Variants in MYH14 observed in about 807,000 individuals in gnomAD.
MYH14 encodes the protein myosin-14.
A neutral mutation model predicts 255.5 loss-of-function variants in MYH14; 123 were observed. That is an observed-to-expected ratio of 0.48 (90% CI 0.42 to 0.56). MYH14 has a LOEUF of 0.56. Ranked by LOEUF, MYH14 falls within the 20% of genes least tolerant of loss-of-function variation. MYH14 has a pLI of 0.00. For missense variants in MYH14, 2,423 were observed against 2,802.3 expected (o/e 0.86, Z 3.06); for synonymous variants, 1,095 against 1,161.2 (o/e 0.94, Z 1.16).
chr19:50,207,884 C>T (rs2031901893), intron 1 of MYH14, among the ~76,000 whole-genome samples: 1 of 152,180 alleles, frequency 6.6e-6, no homozygotes, highest in African/African-American at 2.4e-5. Context: ...ATGCTGCCTA[C>T]CTCACAGTGA....
chr19:50,225,620 C>T lies in MYH14; in HGVS notation c.753C>T (p.Pro251=), dbSNP rs2033053160. The part of the protein sequence containing the change: ...ELERQLLQAN[P]ILEAFGNAKT... ...AGCGGCAGCTGCTTCAGGCCAACCCCATCCTAGAGGCCTTTGGCAATGCCA... is the reference window on the plus strand; with the variant it reads ...AGCGGCAGCTGCTTCAGGCCAACCCTATCCTAGAGGCCTTTGGCAATGCCA... Residue 251 remains proline (P), a synonymous_variant, in exon 7 of 43, where the codon CCC becomes CCT. Coordinates refer to ENST00000642316, the MANE Select transcript of MYH14 (RefSeq NM_001145809.2). 1.9e-6 allele frequency: 3 copies of T among 1,613,740 alleles called. No homozygotes were observed. The highest frequency in any genetic ancestry group is 2.5e-6 in the Non-Finnish European group (3 of 1,179,898).
chr19:50,302,330 C>G (rs2036516309), intron 40 of MYH14, among the ~76,000 whole-genome samples: 1 of 150,572 alleles, frequency 6.6e-6, no homozygotes, highest in Non-Finnish European at 1.5e-5. Flanking sequence ...ACCTGTAATC[C>G]CAGCACTTTG....
rs532232129 is a variant in MYH14, at chr19:50,232,593, C to CAA, written c.1114+545_1114+546dup. Among the ~76,000 whole-genome samples, 543 of 62,844 alleles carry CAA rather than the reference C, an allele frequency of 8.6e-3. 3 individuals carry two copies. The highest frequency in any genetic ancestry group is 0.012 in the East Asian group (20 of 1,688). 41.2% of individuals were successfully genotyped at this position (62,844 alleles called of 152,430 possible). ...TGGTCAACAGAGCGAGACTCTGTCT[C>CAA]AAAAAAAAAAAAAAAAAAAAAAACA... On this transcript the variant is annotated intron_variant, in intron 10 of 42. Coordinates refer to ENST00000642316, the MANE Select transcript of MYH14 (RefSeq NM_001145809.2).
At position 50,309,686 on chromosome 19, in the gene MYH14, C is replaced by T. The variant is rs1247510067; in HGVS notation, c.6007C>T (p.Arg2003Ter). The change falls in exon 43 of 43, where the codon CGA becomes TGA. Residue 2003 changes from arginine (R) to a stop codon, truncating the protein, a stop_gained. Transcript: ENST00000642316. LOFTEE classifies it low-confidence loss of function (END_TRUNC). ...CACCCGCACGGTGCGCCAGGTCTTC[C>T]GACTAGAGGAGGGCGTGGCATCCGA... ...FTTRTVRQVF[R>*]LEEGVASDEE... 6.2e-7 allele frequency: 1 copy of T among 1,609,832 alleles called. No individual in the cohort carries two copies. Among genetic ancestry groups the T allele is most frequent in the Non-Finnish European group, 8.5e-7 (1 of 1,178,370 alleles).
chr19:50,288,610 T>TCCGGTCAGTGGAATTGTGACTCCG (rs1237427501), intron 34 of MYH14, among the ~76,000 whole-genome samples: 1 of 152,230 alleles, frequency 6.6e-6, no homozygotes, highest in African/African-American at 2.4e-5. Context: ...AAGTAGATAC[T>TCCGGTCAGTGGAATTGTGACTCCG]GTCAGTGACC....
chr19:50,274,131 C>T (rs1304203462), intron 27 of MYH14, among the ~76,000 whole-genome samples: 1 of 152,166 alleles, frequency 6.6e-6, no homozygotes, highest in Admixed American at 6.5e-5. Flanking sequence ...CCTGAGCCCT[C>T]AATAAATGCC....
At chr19:50,290,415 T>C (rs2036032697) in intron 35 of MYH14, among the ~76,000 whole-genome samples, 1 of 152,180 alleles carries the variant, frequency 6.6e-6, no homozygotes, top group Non-Finnish European at 1.5e-5. Flanking sequence ...CAGGGGCAGC[T>C]CTGGGTGTCA....
At chr19:50,296,781 C>T (rs1369689286) in intron 39 of MYH14, among the ~76,000 whole-genome samples, 2 of 152,208 alleles carry the variant, frequency 1.3e-5, no homozygotes, top group African/African-American at 2.4e-5. Flanking sequence ...TGAAGAGCCT[C>T]GCGCTGGCCC....
chr19:50,287,137 G>A (rs1277462297), intron 34 of MYH14, among the ~76,000 whole-genome samples: 1 of 152,086 alleles, frequency 6.6e-6, no homozygotes, highest in East Asian at 1.9e-4. Context: ...AGAACAAGAG[G>A]GGGACTGTTC....
Position 50,263,343 on chromosome 19 carries a change from G to T in MYH14, c.2617G>T (p.Ala873Ser). ...AFQKRQQQQS[A>S]LRVMQRNCAA... ...CCAGAAGCGCCAGCAGCAGCAGAGCGCCCTGAGGGTGATGCAGCGGAACTG... is the reference window on the plus strand; with the variant it reads ...CCAGAAGCGCCAGCAGCAGCAGAGCTCCCTGAGGGTGATGCAGCGGAACTG... Residue 873 changes from alanine (A) to serine (S), a missense_variant, in exon 22 of 43, where the codon GCC becomes TCC. This residue lies in a region of MYH14 where 1,513 missense variants were observed against 1,674.8 expected (regional missense o/e 0.90). Coordinates refer to ENST00000642316, the MANE Select transcript of MYH14 (RefSeq NM_001145809.2). 1.3e-6 allele frequency: 2 copies of T among 1,585,582 alleles called. No individual in the cohort carries two copies. The highest frequency in any genetic ancestry group is 1.8e-5 in the Admixed American group (1 of 55,886).
chr19:50,255,269 G>T lies in MYH14; in HGVS notation c.1995G>T (p.Ser665=), dbSNP rs876657514. 1 of 1,551,260 alleles carries T rather than the reference G, an allele frequency of 6.4e-7. No homozygotes were observed. The highest frequency in any genetic ancestry group is 8.7e-7 in the Non-Finnish European group (1 of 1,146,928). ...CTTTCCTTGGCTCCTTCCCACCGTC[G>T]CCCCCAGGATCTGCAGAGAGGTGCA... The part of the protein sequence containing the change: ...QFSFLGSFPP[S]PPGSAERCSS... The change falls in exon 17 of 43, where the codon TCG becomes TCT. Residue 665 remains serine, a synonymous_variant. Transcript: ENST00000642316.
chr19:50,236,205 C>T (rs1031315200), intron 10 of MYH14, among the ~76,000 whole-genome samples: 4 of 150,388 alleles, frequency 2.7e-5, no homozygotes, highest in Non-Finnish European at 4.4e-5. Context: ...TGGTGGTGTG[C>T]GCCTTTACTC....
intron 24 of MYH14, among the ~76,000 whole-genome samples, chr19:50,269,080 G>A (rs995187178): frequency 1.3e-5 from 2 of 152,220 alleles, no homozygotes; most frequent in African/African-American, 4.8e-5. Context: ...GTGATTGGGT[G>A]TCTGGTTTTA....
intron 1 of MYH14, among the ~76,000 whole-genome samples, chr19:50,209,795 A>AAAAAAG (rs2032055553): frequency 6.8e-6 from 1 of 147,680 alleles, no homozygotes; most frequent in Admixed American, 6.8e-5. Context: ...AAAAAAAAAA[A>AAAAAAG]AAAAGAAAAT....
chr19:50,231,799 C>T (rs2033403579), intron 9 of MYH14, 131 bp from the exon 10 acceptor site: 1 of 1,264,808 alleles, frequency 7.9e-7, no homozygotes, highest in Non-Finnish European at 1.1e-6. Flanking sequence ...TCCCACCACA[C>T]TTGTGAGTAA....
chr19:50,228,466 C>G (rs1341322306), intron 8 of MYH14, among the ~76,000 whole-genome samples: 2 of 152,120 alleles, frequency 1.3e-5, no homozygotes, highest in South Asian at 2.1e-4. Flanking sequence ...TCTCCTAAGT[C>G]TGCTCAGGGC....
chr19:50,302,615 AAG>A (rs1568558077), intron 40 of MYH14, among the ~76,000 whole-genome samples: 1 of 150,062 alleles, frequency 6.7e-6, no homozygotes, highest in Non-Finnish European at 1.5e-5. Flanking sequence ...AGAAAAGAAA[AAG>A]ATGCCAGGCA....
chr19:50,284,542 A>T (rs1601022957), intron 33 of MYH14, among the ~76,000 whole-genome samples: 1 of 150,656 alleles, frequency 6.6e-6, no homozygotes, highest in Admixed American at 6.6e-5. Flanking sequence ...TAATTTTTTT[A>T]TTTTTATTTT....
At chr19:50,234,300 G>C (rs2033556049) in intron 10 of MYH14, among the ~76,000 whole-genome samples, 1 of 152,178 alleles carries the variant, frequency 6.6e-6, no homozygotes, top group South Asian at 2.1e-4. Context: ...CTTTTCAGAG[G>C]CTGCGTAATG....
Sources: allele counts gnomAD v4.1 joint callset (sites outside exome capture counted in the v4.1 genomes callset), GRCh38; gene constraint gnomAD v4.1.1; regional missense constraint gnomAD v4.1.1; transcripts MANE v1.5; gene names NCBI Gene and HGNC (gene_info 2026-07-23, HGNC 2026-07-21).